Variants in LECT2 observed in about 807,000 individuals in gnomAD.
LECT2 encodes leukocyte cell-derived chemotaxin-2.
A neutral mutation model predicts 16.6 loss-of-function variants in LECT2; 11 were observed. The ratio of observed to expected loss-of-function variants is 0.66; its 90% CI spans 0.42 to 1.09. The LOEUF is 1.09. Among genes scored for constraint, LECT2 ranks in the 50% least tolerant of loss-of-function variants. LECT2 has a pLI of 0.00. For missense variants in LECT2, 173 were observed against 184.2 expected, an observed-to-expected ratio of 0.94 and a Z score of 0.35; for synonymous variants, 54 against 64.8, an observed-to-expected ratio of 0.83 and a Z score of 0.80.
intron 3 of LECT2, among the ~76,000 whole-genome samples, chr5:135,949,846 T>A (rs1009819573): frequency 1.3e-5 from 2 of 152,224 alleles, no homozygotes; most frequent in East Asian, 3.8e-4. Context: ...AAGGCTTTAG[T>A]TGGCTGCTCA....
rs1561584274 is a variant in LECT2, at chr5:135,947,335, AG to A, written c.451del (p.Leu151CysfsTer47). On this transcript the variant is annotated frameshift_variant, in exon 4 of 4. Coordinates refer to ENST00000274507, the MANE Select transcript of LECT2 (RefSeq NM_002302.3). LOFTEE classifies it high-confidence loss of function. ...ATCTGACCATTGGCCTTCGATTTACAGGTATGCAGTAGGGTCACTCGAGTCA... is the reference window on the plus strand; with the variant it reads ...ATCTGACCATTGGCCTTCGATTTACAGTATGCAGTAGGGTCACTCGAGTCA... Reference protein sequence around the residue: ...NCDSSDPTAYL With the variant: ...NCDSSDPTAYX The A allele has an allele frequency of 1.2e-6, 2 of 1,613,104 alleles. No homozygotes were observed. Among genetic ancestry groups the A allele is most frequent in the Non-Finnish European group, 1.7e-6 (2 of 1,179,414 alleles).
At chr5:135,950,832 C>G (rs1763782356) in intron 3 of LECT2, 1 of 250,918 alleles carries the variant, frequency 4.0e-6, no homozygotes, top group South Asian at 1.6e-4. Context: ...TGCCTCCAAT[C>G]AGCTGTGGGG....
At chr5:135,950,237 A>G (rs1763770735) in intron 3 of LECT2, among the ~76,000 whole-genome samples, 1 of 152,246 alleles carries the variant, frequency 6.6e-6, no homozygotes. Flanking sequence ...GAATAGATAA[A>G]TAGATGAAAG....
intron 3 of LECT2, 144 bp from the exon 4 acceptor site, chr5:135,947,641 T>A: frequency 1.0e-6 from 1 of 984,082 alleles, no homozygotes; most frequent in Non-Finnish European, 1.4e-6. Context: ...AAAATGATAT[T>A]AAAAAGGAAG....
chr5:135,948,681 TA>T lies in LECT2; in HGVS notation c.290-1185del, dbSNP rs1340894825. 1.2e-3 allele frequency among the ~76,000 whole-genome samples: 172 copies of T among 147,982 alleles called. 1 individual carries two copies. The highest frequency in any genetic ancestry group is 3.8e-3 in the African/African-American group (155 of 40,622). On this transcript the variant is annotated intron_variant, in intron 3 of 3. Transcript: ENST00000274507. ...AAATAATAATAATAATAATTATTATTATTATTTTTTTGAGACGGAGTCTTGC... is the reference window on the plus strand; with the variant it reads ...AAATAATAATAATAATAATTATTATTTTATTTTTTTGAGACGGAGTCTTGC...
chr5:135,953,391 G>C (rs180684085), intron 1 of LECT2, among the ~76,000 whole-genome samples: 4 of 151,978 alleles, frequency 2.6e-5, no homozygotes, highest in Admixed American at 2.0e-4. Flanking sequence ...TAGTAGAGAC[G>C]GAGTTTCACC....
chr5:135,949,509 A>G (rs1173337292), intron 3 of LECT2, among the ~76,000 whole-genome samples: 1 of 152,154 alleles, frequency 6.6e-6, no homozygotes, highest in Admixed American at 6.5e-5. Context: ...GGCCTTTTAG[A>G]TCTCCAGGAA....
In LECT2 at chr5:135,951,288, A is replaced by G; in HGVS notation, c.224T>C (p.Val75Ala). 1 of 1,614,148 alleles carries G rather than the reference A, an allele frequency of 6.2e-7. No homozygotes were observed. Reference sequence around the variant, plus strand: ...GTTTTGATAAGGTTTCTCCTGGCCCACAATCATTCCAGTGAATGGTGCGTA... The same window carrying G: ...GTTTTGATAAGGTTTCTCCTGGCCCGCAATCATTCCAGTGAATGGTGCGTA... ...TVYAPFTGMIVGQEKPYQNKN... is the reference protein window; with the variant it reads ...TVYAPFTGMIAGQEKPYQNKN... The change falls in exon 3 of 4, where the codon GTG becomes GCG. Residue 75 changes from valine to alanine, a missense_variant. Val to Ala is a moderately conservative substitution (Grantham distance 64). Transcript: ENST00000274507.
At chr5:135,950,810 C>G in intron 3 of LECT2, 1 of 222,426 alleles carries the variant, frequency 4.5e-6, no homozygotes, top group African/African-American at 2.3e-5. Context: ...CCACATGGGC[C>G]ACAGGAAGGA....
intron 3 of LECT2, among the ~76,000 whole-genome samples, chr5:135,950,545 G>A (rs1763775727): frequency 6.6e-6 from 1 of 152,180 alleles, no homozygotes; most frequent in Admixed American, 6.5e-5. Context: ...AATTCACGGA[G>A]CTATACATGG....
intron 3 of LECT2, among the ~76,000 whole-genome samples, chr5:135,948,055 G>A (rs930841639): frequency 1.3e-5 from 2 of 152,168 alleles, no homozygotes; most frequent in African/African-American, 4.8e-5. Flanking sequence ...AAAACACAGC[G>A]ATTGAAAAGG....
In LECT2 at chr5:135,953,203, A is replaced by G. The variant is rs879221198; in HGVS notation, c.47-236T>C. 4 of 459,104 alleles carry G rather than the reference A, an allele frequency of 8.7e-6. No individual in the cohort carries two copies. In the South Asian group the frequency reaches 1.2e-4, roughly 13 times the overall value. The allele number at this position is 459,104 out of a possible 1,614,324, so 28.4% of individuals were successfully genotyped here. On this transcript the variant is annotated intron_variant, in intron 1 of 3. Coordinates refer to ENST00000274507, the MANE Select transcript of LECT2 (RefSeq NM_002302.3). ...TTGTGACGTTAGAGTATCAGTGAATACAATTTTTTTTTTTTTTGGATCGGA... is the reference window on the plus strand; with the variant it reads ...TTGTGACGTTAGAGTATCAGTGAATGCAATTTTTTTTTTTTTTGGATCGGA...
intron 1 of LECT2, among the ~76,000 whole-genome samples, chr5:135,953,405 T>C (rs1458192320): frequency 2.6e-5 from 4 of 152,110 alleles, no homozygotes; most frequent in African/African-American, 9.7e-5. Flanking sequence ...TTTCACCATG[T>C]TGGTCAGGAC....
intron 1 of LECT2, among the ~76,000 whole-genome samples, chr5:135,954,065 G>A (rs1350723829): frequency 6.6e-6 from 1 of 152,200 alleles, no homozygotes; most frequent in Non-Finnish European, 1.5e-5. Flanking sequence ...GAGATACAGT[G>A]AGCACACTCA....
At position 135,952,912 on chromosome 5, in the gene LECT2, C is replaced by T. The variant is rs1167889393; in HGVS notation, c.102G>A (p.Arg34=). ...ICAGKSSNEI[R]TCDRHGCGQY... ...GTCCACAGCCATGGCGGTCACACGT[C>T]CGGATCTCATTGGAAGACTTGCCAG... is the stretch of plus-strand genomic sequence containing the variant. The change falls in exon 2 of 4, where the codon CGG becomes CGA. Residue 34 remains arginine (R), a synonymous_variant. Coordinates refer to ENST00000274507, the MANE Select transcript of LECT2 (RefSeq NM_002302.3). 1 of 1,614,154 alleles carries T rather than the reference C, an allele frequency of 6.2e-7. No individual in the cohort carries two copies. The highest frequency in any genetic ancestry group is 1.1e-5 in the South Asian group (1 of 91,084).
At chr5:135,952,562 A>G (rs762814496) in intron 2 of LECT2, among the ~76,000 whole-genome samples, 13 of 152,156 alleles carry the variant, frequency 8.5e-5, no homozygotes, top group Non-Finnish European at 4.4e-5. Context: ...ATAAAATGGG[A>G]TAGTTGTGTT....
chr5:135,948,399 G>C (rs922020209), intron 3 of LECT2, among the ~76,000 whole-genome samples: 1 of 152,020 alleles, frequency 6.6e-6, no homozygotes, highest in African/African-American at 2.4e-5. Context: ...TAAAAATAAG[G>C]CTGTAAAATT....
At chr5:135,950,252 C>T (rs750475340) in intron 3 of LECT2, among the ~76,000 whole-genome samples, 14 of 152,268 alleles carry the variant, frequency 9.2e-5, no homozygotes, top group Middle Eastern at 6.8e-3. Flanking sequence ...TGAAAGTATA[C>T]GCATATAATG....
At chr5:135,950,778 G>C (rs1763781265) in intron 3 of LECT2, 1 of 181,734 alleles carries the variant, frequency 5.5e-6, no homozygotes, top group African/African-American at 2.3e-5. Flanking sequence ...AAGTGGCTTT[G>C]TTTATAGATT....
Sources: allele counts gnomAD v4.1 joint callset (sites outside exome capture counted in the v4.1 genomes callset), GRCh38; gene constraint gnomAD v4.1.1; transcripts MANE v1.5; gene names NCBI Gene and HGNC (gene_info 2026-07-23, HGNC 2026-07-21).